CDH4: variants seen among roughly 807,000 people sequenced by gnomAD.
CDH4 encodes cadherin-4.
CDH4 carries 33 observed loss-of-function variants against 86.0 expected under a neutral mutation model. That is an observed-to-expected ratio of 0.38 (90% CI 0.29 to 0.51). The LOEUF is 0.51. Among genes scored for constraint, CDH4 ranks in the 20% least tolerant of loss-of-function variants. The probability of loss-of-function intolerance (pLI) is 0.86; values close to 1 mark genes in which losing one functional copy is unlikely to be tolerated. For synonymous variants in CDH4, 555 were observed against 549.4 expected (o/e 1.01, Z -0.14); for missense variants, 1,114 against 1,307.4 (o/e 0.85, Z 2.28).
chr20:61,789,682 C>T (rs1040077168), intron 4 of CDH4, among the ~76,000 whole-genome samples: 1 of 152,216 alleles, frequency 6.6e-6, no homozygotes, highest in Non-Finnish European at 1.5e-5. Flanking sequence ...GGCATGCCAG[C>T]GCCTCAGCCC....
At chr20:61,874,507 C>T (rs532799613) in intron 7 of CDH4, among the ~76,000 whole-genome samples, 11 of 152,288 alleles carry the variant, frequency 7.2e-5, no homozygotes, top group African/African-American at 2.6e-4. Flanking sequence ...TCTCAAGTGC[C>T]CGCCCCACTC....
At chr20:61,633,468 C>G (rs943165705) in intron 2 of CDH4, among the ~76,000 whole-genome samples, 1 of 152,050 alleles carries the variant, frequency 6.6e-6, no homozygotes, top group Admixed American at 6.6e-5. Context: ...AGTTTATTCA[C>G]CCATTCATCC....
At chr20:61,812,180 T>A (rs534626291) in intron 4 of CDH4, among the ~76,000 whole-genome samples, 72 of 150,418 alleles carry the variant, frequency 4.8e-4, no homozygotes, top group Non-Finnish European at 9.5e-4. Context: ...TTTAGGGGCA[T>A]GTTATTGGGG....
At chr20:61,525,844 C>T (rs965957740) in intron 2 of CDH4, among the ~76,000 whole-genome samples, 3 of 152,212 alleles carry the variant, frequency 2.0e-5, no homozygotes, top group African/African-American at 4.8e-5. Context: ...CTGCTGTGGC[C>T]GGGCCGGGCA....
intron 13 of CDH4, among the ~76,000 whole-genome samples, chr20:61,930,778 G>T (rs1420634076): frequency 6.6e-6 from 1 of 152,224 alleles, no homozygotes; most frequent in Non-Finnish European, 1.5e-5. Flanking sequence ...GGGCTTCTTT[G>T]TATGATCAGG....
intron 2 of CDH4, among the ~76,000 whole-genome samples, chr20:61,613,197 C>T (rs1413518753): frequency 2.0e-5 from 3 of 152,074 alleles, no homozygotes; most frequent in African/African-American, 4.8e-5. Flanking sequence ...CACTCTCTGT[C>T]CCCTTGACAG....
At position 61,582,703 on chromosome 20, in the gene CDH4, C is replaced by T. The variant is rs1454241855; in HGVS notation, c.170-160860C>T. 1.3e-5 allele frequency among the ~76,000 whole-genome samples: 2 copies of T among 152,176 alleles called. No homozygotes were observed. Among genetic ancestry groups the T allele is most frequent in the Admixed American group, 1.3e-4 (2 of 15,272 alleles). On this transcript the variant is annotated intron_variant, in intron 2 of 15. Transcript: ENST00000614565. This position sits in a 1 kb window ranked among gnomAD's most constrained non-coding sequence, Gnocchi z 4.2. ...TCTGAGGCTGGGGACACAAGCCAGCCCTGCAGGCTCCACTTCTCCCCAGAT... is the reference window on the plus strand; with the variant it reads ...TCTGAGGCTGGGGACACAAGCCAGCTCTGCAGGCTCCACTTCTCCCCAGAT...
intron 2 of CDH4, among the ~76,000 whole-genome samples, chr20:61,691,417 A>G (rs1256375592): frequency 6.6e-6 from 1 of 150,678 alleles, no homozygotes; most frequent in Non-Finnish European, 1.5e-5. Context: ...GGATGTGTGG[A>G]TGTGTGTGTG....
At chr20:61,608,555 T>A (rs2086661863) in intron 2 of CDH4, among the ~76,000 whole-genome samples, 1 of 152,264 alleles carries the variant, frequency 6.6e-6, no homozygotes, top group Non-Finnish European at 1.5e-5. Flanking sequence ...GCACTTGTTC[T>A]TCCTACTTGA....
chr20:61,335,915 A>C (rs891329466), intron 2 of CDH4, among the ~76,000 whole-genome samples: 2 of 152,146 alleles, frequency 1.3e-5, no homozygotes, highest in Non-Finnish European at 2.9e-5. Context: ...TGACGCAAGG[A>C]TCTTTTGGTA....
intron 7 of CDH4, among the ~76,000 whole-genome samples, chr20:61,884,911 G>A (rs577406426): frequency 2.6e-5 from 4 of 152,246 alleles, no homozygotes; most frequent in East Asian, 3.9e-4. Context: ...TGGAGCCCCG[G>A]GCTAAGAGTA....
At chr20:61,650,711 G>T (rs540686977) in intron 2 of CDH4, among the ~76,000 whole-genome samples, 4 of 152,164 alleles carry the variant, frequency 2.6e-5, no homozygotes, top group Non-Finnish European at 5.9e-5. Flanking sequence ...ATTTTAAAAG[G>T]TTTATTTCCA....
chr20:61,654,296 G>A (rs1471852364), intron 2 of CDH4, among the ~76,000 whole-genome samples: 4 of 152,180 alleles, frequency 2.6e-5, no homozygotes, highest in Admixed American at 6.5e-5. Flanking sequence ...GTGGTGGCAC[G>A]CGCCTGCAAT....
At position 61,829,093 on chromosome 20, in the gene CDH4, T is replaced by A. The variant is rs1179779564; in HGVS notation, c.577-15575T>A. ...CGCCCGGCCACCACTCACCTCCAGC[T>A]GTGCGGCCCAGTTCCTAACAGGCCA... On this transcript the variant is annotated intron_variant, in intron 4 of 15. Transcript: ENST00000614565. This position sits in a 1 kb window ranked among gnomAD's most constrained non-coding sequence, Gnocchi z 4.2. Among the ~76,000 whole-genome samples the A allele has an allele frequency of 1.3e-5, 2 of 152,224 alleles. No individual in the cohort carries two copies. Among genetic ancestry groups the A allele is most frequent in the Admixed American group, 1.3e-4 (2 of 15,284 alleles).
At chr20:61,792,017 C>A (rs144047440) in intron 4 of CDH4, among the ~76,000 whole-genome samples, 9 of 152,272 alleles carry the variant, frequency 5.9e-5, no homozygotes, top group African/African-American at 2.2e-4. Context: ...CGTCTATCAT[C>A]CCCTGGATGC....
rs34309371 is a variant in CDH4, at chr20:61,534,665, C to CTTTTTTT, written c.170-208882_170-208876dup. Among the ~76,000 whole-genome samples, 71 of 76,000 alleles carry CTTTTTTT rather than the reference C, an allele frequency of 9.3e-4. 1 individual carries two copies. The highest frequency in any genetic ancestry group is 4.6e-3 in the African/African-American group (43 of 9,270). The allele number at this position is 76,000 out of a possible 152,430, so 49.9% of individuals were successfully genotyped here. A position where few individuals can be genotyped will look rare whatever the true frequency, so the allele number is the denominator to read the frequency against. On this transcript the variant is annotated intron_variant, in intron 2 of 15. Transcript: ENST00000614565. ...CTTTCTTTCTTTTCTTTCTTTCTTT[C>CTTTTTTT]TTTTTTTTTTTTTTTTTTTTTTGAG...
intron 2 of CDH4, among the ~76,000 whole-genome samples, chr20:61,659,781 C>T (rs940895931): frequency 4.6e-5 from 7 of 152,274 alleles, no homozygotes; most frequent in Middle Eastern, 3.4e-3. Context: ...GAGGGGTGGG[C>T]CTCCGGCCCA....
intron 4 of CDH4, among the ~76,000 whole-genome samples, chr20:61,776,092 G>A (rs559746423): frequency 1.2e-4 from 18 of 152,346 alleles, no homozygotes; most frequent in African/African-American, 4.3e-4. Flanking sequence ...CAGACCAGCA[G>A]AGGGCTCGGG....
intron 2 of CDH4, among the ~76,000 whole-genome samples, chr20:61,452,484 CTCT>C (rs1403225796): frequency 1.3e-5 from 2 of 152,194 alleles, no homozygotes; most frequent in Non-Finnish European, 2.9e-5. Flanking sequence ...TCAAATGCAG[CTCT>C]TCTTGTGTGA....
Sources: gnomAD v4.1 joint callset for allele counts (sites outside exome capture counted in the v4.1 genomes callset) on GRCh38, gnomAD v4.1.1 for gene constraint, Gnocchi (gnomAD v3.1) non-coding constraint, MANE v1.5 for transcripts, NCBI Gene and HGNC (gene_info 2026-07-23, HGNC 2026-07-21) for gene names.